Variants in LRCH1 observed in about 807,000 individuals in gnomAD.
The protein encoded by LRCH1 is leucine rich repeats and calponin homology domain containing 1.
In LRCH1, 23 loss-of-function variants were observed where a neutral mutation model predicts 94.9. The observed-to-expected ratio is 0.24, with a 90% CI of 0.17 to 0.34. LRCH1 has a LOEUF of 0.34. Ranked by LOEUF, LRCH1 falls within the 10% of genes least tolerant of loss-of-function variation. The probability of loss-of-function intolerance (pLI) is 1.00; values close to 1 mark genes in which losing one functional copy is unlikely to be tolerated. For synonymous variants in LRCH1, 364 were observed against 354.9 expected, an observed-to-expected ratio of 1.03 and a Z score of -0.29; for missense variants, 790 against 945.9, an observed-to-expected ratio of 0.84 and a Z score of 2.16.
At chr13:46,571,133 G>A (rs570265642) in intron 1 of LRCH1, among the ~76,000 whole-genome samples, 1 of 152,298 alleles carries the variant, frequency 6.6e-6, no homozygotes, top group Admixed American at 6.5e-5. Flanking sequence ...GAACTCCTTT[G>A]TGTTCCAACA....
At position 46,699,385 on chromosome 13, in the gene LRCH1, A is replaced by C. The variant is rs746054781; in HGVS notation, c.1295A>C (p.His432Pro). 3.4e-5 allele frequency: 55 copies of C among 1,614,010 alleles called. No individual in the cohort carries two copies. Among genetic ancestry groups the C allele is most frequent in the Non-Finnish European group, 4.5e-5 (53 of 1,179,960 alleles). ...EELLRIEEDV[H>P]WQTEGIISSS... ...CTGTTACGGATAGAAGAGGATGTGCACTGGCAAACTGAGGGCATGTGAGTG... is the reference window on the plus strand; with the variant it reads ...CTGTTACGGATAGAAGAGGATGTGCCCTGGCAAACTGAGGGCATGTGAGTG... The change falls in exon 10 of 20, where the codon CAC (histidine) becomes CCC (proline). Residue 432 changes from histidine (H) to proline (P), a missense_variant. Physicochemically the swap from His to Pro is moderately conservative, Grantham distance 77 (BLOSUM62 -2). Coordinates refer to ENST00000389797, the MANE Select transcript of LRCH1 (RefSeq NM_001164211.2).
At chr13:46,723,782 A>G (rs1872694018) in intron 17 of LRCH1, among the ~76,000 whole-genome samples, 1 of 152,104 alleles carries the variant, frequency 6.6e-6, no homozygotes, top group South Asian at 2.1e-4. Context: ...CCTGGGTGAC[A>G]ACAGTGAGAA....
At chr13:46,573,267 T>C (rs2050260708) in intron 1 of LRCH1, among the ~76,000 whole-genome samples, 1 of 152,176 alleles carries the variant, frequency 6.6e-6, no homozygotes, top group Admixed American at 6.5e-5. Context: ...AGTAAATATT[T>C]GAGCCGAGTA....
chr13:46,744,276 C>G lies in LRCH1; in HGVS notation c.*2428C>G. 1 of 982,518 alleles carries G rather than the reference C, an allele frequency of 1.0e-6. No individual in the cohort carries two copies. Among genetic ancestry groups the G allele is most frequent in the African/African-American group, 1.8e-5 (1 of 54,786 alleles). The allele number at this position is 982,518 out of a possible 1,614,324, so 60.9% of individuals were successfully genotyped here. A position where few individuals can be genotyped will look rare whatever the true frequency, so the allele number is the denominator to read the frequency against. Reference sequence around the variant, plus strand: ...GTGGTTTATTGTGCTGACCAAATCTCCTCCTCACAAGAAAGACCGTTTTTT... The same window carrying G: ...GTGGTTTATTGTGCTGACCAAATCTGCTCCTCACAAGAAAGACCGTTTTTT... On this transcript the variant is annotated 3_prime_UTR_variant, in exon 20 of 20. Transcript: ENST00000389797.
intron 2 of LRCH1, among the ~76,000 whole-genome samples, chr13:46,666,249 C>T (rs984916604): frequency 6.6e-6 from 1 of 152,170 alleles, no homozygotes; most frequent in Non-Finnish European, 1.5e-5. Context: ...CATCCGTTCC[C>T]CTCAAAGAGA....
At chr13:46,569,884 C>G (rs756669266) in intron 1 of LRCH1, among the ~76,000 whole-genome samples, 75 of 152,262 alleles carry the variant, frequency 4.9e-4, no homozygotes, top group Non-Finnish European at 9.1e-4. Context: ...CCCTGTCAAG[C>G]AGTCATCTCA....
At chr13:46,603,947 A>C (rs779723493) in intron 1 of LRCH1, among the ~76,000 whole-genome samples, 1 of 152,226 alleles carries the variant, frequency 6.6e-6, no homozygotes. Flanking sequence ...GTGAGCCACC[A>C]TGCCCGGCCA....
intron 16 of LRCH1, among the ~76,000 whole-genome samples, chr13:46,721,804 T>A (rs966292297): frequency 2.6e-5 from 4 of 152,198 alleles, no homozygotes; most frequent in African/African-American, 9.7e-5. Flanking sequence ...ATCCTCTTTC[T>A]CCATTAACTC....
chr13:46,698,919 A>C (rs1014033758), intron 9 of LRCH1, among the ~76,000 whole-genome samples: 13 of 152,142 alleles, frequency 8.5e-5, no homozygotes, highest in African/African-American at 3.1e-4. Context: ...TCACTTGCAA[A>C]ACTGACCCTG....
chr13:46,576,183 C>T (rs182478640), intron 1 of LRCH1, among the ~76,000 whole-genome samples: 2 of 152,260 alleles, frequency 1.3e-5, no homozygotes, highest in East Asian at 1.9e-4. Flanking sequence ...GTTCATGTAA[C>T]TTATGGGGCA....
intron 7 of LRCH1, among the ~76,000 whole-genome samples, chr13:46,691,270 C>T (rs1566228999): frequency 6.6e-6 from 1 of 152,168 alleles, no homozygotes; most frequent in East Asian, 1.9e-4. Context: ...CATAGGTTTT[C>T]TGAATAAACG....
intron 1 of LRCH1, among the ~76,000 whole-genome samples, chr13:46,648,439 C>T (rs186628969): frequency 2.8e-4 from 42 of 152,300 alleles, no homozygotes; most frequent in Middle Eastern, 3.4e-3. Flanking sequence ...GTAATTCATG[C>T]CATTGACCTT....
At chr13:46,581,147 T>C (rs948856241) in intron 1 of LRCH1, among the ~76,000 whole-genome samples, 1 of 152,214 alleles carries the variant, frequency 6.6e-6, no homozygotes, top group African/African-American at 2.4e-5. Context: ...AGCTGCATCA[T>C]GTCATTTGGA....
At chr13:46,589,900 A>ATT (rs113727855) in intron 1 of LRCH1, among the ~76,000 whole-genome samples, 53 of 134,384 alleles carry the variant, frequency 3.9e-4, no homozygotes, top group African/African-American at 1.0e-3. Flanking sequence ...TGTGCCTGGG[A>ATT]TTTTTTTTTT....
intron 1 of LRCH1, among the ~76,000 whole-genome samples, chr13:46,575,518 G>GTGTGTGTGTT (rs1555269326): frequency 7.0e-6 from 1 of 142,452 alleles, no homozygotes; most frequent in Non-Finnish European, 1.6e-5. Flanking sequence ...GAATGTGTGT[G>GTGTGTGTGTT]TGTGTGTGTG....
intron 16 of LRCH1, 25 bp from the exon 17 acceptor site, chr13:46,723,196 G>A (rs368325279): frequency 3.8e-5 from 53 of 1,403,308 alleles, no homozygotes; most frequent in Non-Finnish European, 4.9e-5. Context: ...CTATATAAAG[G>A]CTTTTTTTCC....
intron 11 of LRCH1, among the ~76,000 whole-genome samples, chr13:46,703,219 T>C (rs937590437): frequency 6.6e-6 from 1 of 152,204 alleles, no homozygotes; most frequent in Admixed American, 6.5e-5. Context: ...TGTGCACCCG[T>C]GTACATGTAT....
intron 3 of LRCH1, among the ~76,000 whole-genome samples, chr13:46,670,601 A>G (rs1593340118): frequency 6.6e-6 from 1 of 152,110 alleles, no homozygotes; most frequent in East Asian, 1.9e-4. Flanking sequence ...GGCTGCCACC[A>G]AAGGGGGTAA....
At chr13:46,570,457 C>T (rs2050229745) in intron 1 of LRCH1, among the ~76,000 whole-genome samples, 1 of 152,168 alleles carries the variant, frequency 6.6e-6, no homozygotes, top group Admixed American at 6.5e-5. Flanking sequence ...TTACATAATT[C>T]ATTCAAGGTC....
Sources: allele counts gnomAD v4.1 joint callset (sites outside exome capture counted in the v4.1 genomes callset), GRCh38; gene constraint gnomAD v4.1.1; transcripts MANE v1.5; gene names NCBI Gene and HGNC (gene_info 2026-07-23, HGNC 2026-07-21).